POGLUT3: variants seen among roughly 807,000 people sequenced by gnomAD.
POGLUT3 encodes KDEL (Lys-Asp-Glu-Leu) containing 2.
POGLUT3 carries 48 observed loss-of-function variants against 54.3 expected under a neutral mutation model. That is an observed-to-expected ratio of 0.88 (90% confidence interval 0.70 to 1.12). The LOEUF (loss-of-function observed/expected upper bound fraction) is 1.12. Ranked by LOEUF, POGLUT3 falls within the 50% of genes most tolerant of loss-of-function variation. The probability of loss-of-function intolerance (pLI) is 0.00; values close to 1 mark genes in which losing one functional copy is unlikely to be tolerated. For missense variants in POGLUT3, 629 were observed against 618.7 expected (o/e 1.02, Z -0.18); for synonymous variants, 218 against 237.4 (o/e 0.92, Z 0.75).
At chr11:108,481,449 T>A in intron 4 of POGLUT3, 73 bp from the exon 5 acceptor site, 1 of 1,144,078 alleles carries the variant, frequency 8.7e-7, no homozygotes, top group Non-Finnish European at 1.2e-6. Context: ...TAATCCTCTT[T>A]AATCTACCAT....
intron 5 of POGLUT3, among the ~76,000 whole-genome samples, chr11:108,479,853 A>G (rs1023210675): frequency 1.3e-5 from 2 of 151,950 alleles, no homozygotes; most frequent in Non-Finnish European, 2.9e-5. Flanking sequence ...TATTTTTTTG[A>G]GACAGTGTAT....
intron 1 of POGLUT3, among the ~76,000 whole-genome samples, chr11:108,494,513 G>A (rs1016521259): frequency 6.6e-6 from 1 of 152,196 alleles, no homozygotes; most frequent in Non-Finnish European, 1.5e-5. Flanking sequence ...AAGTTCAAAG[G>A]GCTGTTCCTG....
intron 1 of POGLUT3, among the ~76,000 whole-genome samples, chr11:108,497,386 G>T (rs1373072073): frequency 6.6e-6 from 1 of 152,200 alleles, no homozygotes; most frequent in African/African-American, 2.4e-5. Flanking sequence ...AGAGGCACTG[G>T]TTTATTCTAA....
At chr11:108,483,694 T>A (rs1337552719) in intron 3 of POGLUT3, among the ~76,000 whole-genome samples, 2 of 151,994 alleles carry the variant, frequency 1.3e-5, no homozygotes, top group African/African-American at 4.8e-5. Flanking sequence ...TTTGAGACAG[T>A]GTTTCACTCT....
Position 108,486,153 on chromosome 11 carries a change from C to T in POGLUT3, c.684+4G>A, listed in dbSNP as rs1372660237. The T allele has an allele frequency of 6.3e-7, 1 of 1,593,216 alleles. No individual in the cohort carries two copies. On this transcript the variant is annotated splice_donor_region_variant and intron_variant, in intron 3 of 7. Transcript: ENST00000323468. ...CTGTATTATCAATTCATTCATTCTC[C>T]TACCTTTCTTGTCAATGATAACAAA...
rs2093574478 is a variant in POGLUT3, at chr11:108,473,670, TC to T, written c.*1156del. ...TAGAGGTTTTCAGTGTTTTCAAGGA[TC>T]CCCTTTTCAGCTTAAAAATAATGAA... On this transcript the variant is annotated 3_prime_UTR_variant, in exon 8 of 8. Coordinates refer to ENST00000323468, the MANE Select transcript of POGLUT3 (RefSeq NM_153705.5). 6.6e-6 allele frequency: 1 copy of T among 152,176 alleles called. No individual in the cohort carries two copies. Among genetic ancestry groups the T allele is most frequent in the Admixed American group, 6.5e-5 (1 of 15,278 alleles). The allele number at this position is 152,176 out of a possible 1,614,324, so 9.4% of individuals were successfully genotyped here. A position where few individuals can be genotyped will look rare whatever the true frequency, so the allele number is the denominator to read the frequency against.
chr11:108,481,116 T>C (rs2093591396), intron 5 of POGLUT3, 64 bp downstream of exon 5: 4 of 1,340,724 alleles, frequency 3.0e-6, no homozygotes, highest in African/African-American at 1.5e-5. Flanking sequence ...AGCCCACCTA[T>C]TTTGGTAGAC....
intron 1 of POGLUT3, among the ~76,000 whole-genome samples, chr11:108,495,519 G>A (rs140633792): frequency 6.3e-4 from 96 of 152,310 alleles, no homozygotes; most frequent in African/African-American, 2.2e-3. Flanking sequence ...GTGAATGTTG[G>A]TGGCAGAAAT....
intron 5 of POGLUT3, 88 bp from the exon 6 acceptor site, chr11:108,479,583 G>T (rs1268624947): frequency 2.3e-6 from 2 of 877,280 alleles, no homozygotes; most frequent in Non-Finnish European, 3.3e-6. Context: ...ACCAACTACA[G>T]AGGAATTATT....
Position 108,474,579 on chromosome 11 carries a change from C to T in POGLUT3, c.*248G>A. ...TTGTGTTTAGACTTGGATCTCATCC[C>T]CAAGATACCTCATTATGTACATGCA... On this transcript the variant is annotated 3_prime_UTR_variant, in exon 8 of 8. Coordinates refer to ENST00000323468, the MANE Select transcript of POGLUT3 (RefSeq NM_153705.5). 1 of 285,650 alleles carries T rather than the reference C, an allele frequency of 3.5e-6. No homozygotes were observed. Among genetic ancestry groups the T allele is most frequent in the East Asian group, 6.0e-5 (1 of 16,624 alleles). 17.7% of individuals were successfully genotyped at this position (285,650 alleles called of 1,614,324 possible).
chr11:108,475,952 C>A (rs1281928082), intron 7 of POGLUT3, among the ~76,000 whole-genome samples: 1 of 151,842 alleles, frequency 6.6e-6, no homozygotes, highest in Admixed American at 6.6e-5. Context: ...CTTGAGGAAC[C>A]AGGGAAACAC....
At chr11:108,488,075 G>A (rs1178966290) in intron 2 of POGLUT3, among the ~76,000 whole-genome samples, 1 of 152,054 alleles carries the variant, frequency 6.6e-6, no homozygotes, top group African/African-American at 2.4e-5. Context: ...CTAGGCTGGA[G>A]TGCAGTGGTG....
At chr11:108,496,396 T>C (rs2093622287) in intron 1 of POGLUT3, among the ~76,000 whole-genome samples, 1 of 151,912 alleles carries the variant, frequency 6.6e-6, no homozygotes, top group African/African-American at 2.4e-5. Flanking sequence ...CTATATGAAA[T>C]TGAAATTTCA....
At chr11:108,496,160 T>C (rs60723020) in intron 1 of POGLUT3, among the ~76,000 whole-genome samples, 1 of 152,066 alleles carries the variant, frequency 6.6e-6, no homozygotes, top group African/African-American at 2.4e-5. Flanking sequence ...ATGATTCTTA[T>C]ATTTTTAAAA....
chr11:108,474,737 G>T lies in POGLUT3; in HGVS notation c.*90C>A. 6.8e-7 allele frequency: 1 copy of T among 1,463,222 alleles called. No individual in the cohort carries two copies. Among genetic ancestry groups the T allele is most frequent in the South Asian group, 1.3e-5 (1 of 78,106 alleles). 90.6% of individuals were successfully genotyped at this position (1,463,222 alleles called of 1,614,324 possible). ...GCCACCGGGAGAACTAGTCCACTTGGTGCAGTCTTCTATACTGTCCTTCAC... is the reference window on the plus strand; with the variant it reads ...GCCACCGGGAGAACTAGTCCACTTGTTGCAGTCTTCTATACTGTCCTTCAC... On this transcript the variant is annotated 3_prime_UTR_variant, in exon 8 of 8. Coordinates refer to ENST00000323468, the MANE Select transcript of POGLUT3 (RefSeq NM_153705.5).
intron 1 of POGLUT3, among the ~76,000 whole-genome samples, chr11:108,494,393 A>C (rs1428158443): frequency 6.6e-6 from 1 of 152,222 alleles, no homozygotes; most frequent in Non-Finnish European, 1.5e-5. Flanking sequence ...ATCCTCCAAA[A>C]ATATCTGGCT....
At chr11:108,496,499 C>A (rs2093622460) in intron 1 of POGLUT3, among the ~76,000 whole-genome samples, 1 of 152,152 alleles carries the variant, frequency 6.6e-6, no homozygotes, top group Non-Finnish European at 1.5e-5. Flanking sequence ...GATGATATCA[C>A]CTACAAAGCC....
chr11:108,474,946 C>A lies in POGLUT3; in HGVS notation c.1405G>T (p.Ala469Ser). 6.2e-7 allele frequency: 1 copy of A among 1,613,894 alleles called. No homozygotes were observed. The highest frequency in any genetic ancestry group is 8.5e-7 in the Non-Finnish European group (1 of 1,179,904). ...TCGGGTTTGCTGGACTGGCGCTCGG[C>A]ATATTTCTGAAACGTGGGTTTAAAG... ...CYYYQVLQKY[A>S]ERQSSKPEVR... The change falls in exon 8 of 8, where the codon GCC becomes TCC. Residue 469 changes from alanine to serine, a missense_variant. Physicochemically the swap from Ala to Ser is moderately conservative, Grantham distance 99 (BLOSUM62 1). Transcript: ENST00000323468.
chr11:108,494,328 C>G (rs1212548059), intron 1 of POGLUT3, among the ~76,000 whole-genome samples: 1 of 152,170 alleles, frequency 6.6e-6, no homozygotes. Context: ...CCCACACGGT[C>G]AAGGGAAACA....
Sources: gnomAD v4.1 joint callset for allele counts (sites outside exome capture counted in the v4.1 genomes callset) on GRCh38, gnomAD v4.1.1 for gene constraint, MANE v1.5 for transcripts, NCBI Gene and HGNC (gene_info 2026-07-23, HGNC 2026-07-21) for gene names.